TNFRSF10B: variants seen among roughly 807,000 people sequenced by gnomAD.
TNFRSF10B encodes the protein TNF receptor superfamily member 10b.
TNFRSF10B carries 35 observed loss-of-function variants against 41.4 expected under a neutral mutation model. That is an observed-to-expected ratio of 0.85 (90% CI 0.65 to 1.12). The LOEUF is 1.12. Among genes scored for constraint, TNFRSF10B ranks in the 50% most tolerant of loss-of-function variants. TNFRSF10B has a pLI of 0.00. For missense variants in TNFRSF10B, 584 were observed against 552.7 expected, an observed-to-expected ratio of 1.06 and a Z score of -0.57; for synonymous variants, 230 against 215.5, an observed-to-expected ratio of 1.07 and a Z score of -0.59.
rs1811858498 is a variant in TNFRSF10B, at chr8:23,030,773, G to A, written c.350C>T (p.Thr117Ile). Residue 117 changes from threonine to isoleucine, a missense_variant, in exon 3 of 9, where the codon ACC becomes ATC. By Grantham distance (89) the Thr-to-Ile change is moderately conservative (BLOSUM62 -1). Coordinates refer to ENST00000276431, the MANE Select transcript of TNFRSF10B (RefSeq NM_003842.5). ...ATGTTCTGTACCTGAATCACACCTG[G>A]TGCAGCGCAAGCAGAAAAGGAGGTC... ...WNDLLFCLRC[T>I]RCDSGEVELS... 6.2e-7 allele frequency: 1 copy of A among 1,612,530 alleles called. No individual in the cohort carries two copies.
At chr8:23,029,791 C>G in intron 3 of TNFRSF10B, 70 bp from the exon 4 acceptor site, 2 of 1,445,976 alleles carry the variant, frequency 1.4e-6, no homozygotes, top group South Asian at 1.2e-5. Flanking sequence ...CTCCCCACCC[C>G]AAGACCCTGC....
chr8:23,027,361 G>A, intron 6 of TNFRSF10B, 73 bp from the exon 7 acceptor site: 2 of 1,572,630 alleles, frequency 1.3e-6, no homozygotes, highest in Admixed American at 3.4e-5. Context: ...AGGGTCCTCA[G>A]TATGCAGCTG....
chr8:23,068,594 T>A (rs1011114750), intron 1 of TNFRSF10B, among the ~76,000 whole-genome samples, 157 bp downstream of exon 1: 2 of 151,848 alleles, frequency 1.3e-5, no homozygotes, highest in East Asian at 3.9e-4. Flanking sequence ...CGGGGACCCA[T>A]CTCTTCCCCC....
chr8:23,020,890 G>C lies in TNFRSF10B; in HGVS notation c.*1781C>G. ...AGGCAGCAGCACCCTGTGCCTTCCAGAAGTGCAGGGGACAACGCGTGGGAT... is the reference window on the plus strand; with the variant it reads ...AGGCAGCAGCACCCTGTGCCTTCCACAAGTGCAGGGGACAACGCGTGGGAT... On this transcript the variant is annotated 3_prime_UTR_variant, in exon 9 of 9. Transcript: ENST00000276431. The C allele has an allele frequency of 2.2e-6, 1 of 454,100 alleles. No homozygotes were observed. The highest frequency in any genetic ancestry group is 4.4e-6 in the Non-Finnish European group (1 of 226,774). 28.1% of individuals were successfully genotyped at this position (454,100 alleles called of 1,614,324 possible).
intron 7 of TNFRSF10B, among the ~76,000 whole-genome samples, chr8:23,026,552 T>G (rs1585206007): frequency 6.6e-6 from 1 of 152,356 alleles, no homozygotes; most frequent in East Asian, 1.9e-4. Context: ...TAGTCTCATC[T>G]TATGTTCGAG....
Position 23,059,173 on chromosome 8 carries a change from T to C in TNFRSF10B, c.144+9578A>G, listed in dbSNP as rs2128820418. Among the ~76,000 whole-genome samples, 4 of 152,374 alleles carry C rather than the reference T, an allele frequency of 2.6e-5. No individual in the cohort carries two copies. The South Asian group carries it at 8.3e-4, about 32-fold the overall frequency. On this transcript the variant is annotated intron_variant, in intron 1 of 8. Coordinates refer to ENST00000276431, the MANE Select transcript of TNFRSF10B (RefSeq NM_003842.5). ...TCATCCATTGTGTAGCATGTGCCAGTATTTCCTTCCTTTTCAAGGCTGAGT... is the reference window on the plus strand; with the variant it reads ...TCATCCATTGTGTAGCATGTGCCAGCATTTCCTTCCTTTTCAAGGCTGAGT...
chr8:23,030,665 C>T, intron 3 of TNFRSF10B, 94 bp downstream of exon 3: 2 of 924,640 alleles, frequency 2.2e-6, no homozygotes, highest in Non-Finnish European at 3.5e-6. Flanking sequence ...CCAAGGTGGA[C>T]CAGAATCTAG....
intron 5 of TNFRSF10B, 43 bp downstream of exon 5, chr8:23,028,288 G>T: frequency 6.2e-7 from 1 of 1,612,290 alleles, no homozygotes; most frequent in South Asian, 1.1e-5. Flanking sequence ...GGAGGGGGCA[G>T]GGCAGAGAGT....
intron 1 of TNFRSF10B, among the ~76,000 whole-genome samples, chr8:23,067,226 C>T (rs1477673595): frequency 2.0e-5 from 3 of 152,030 alleles, no homozygotes; most frequent in African/African-American, 7.2e-5. Context: ...GATCTGCCCG[C>T]CTCGGCCTCC....
Position 23,039,845 on chromosome 8 carries a change from C to T in TNFRSF10B, c.250+3293G>A, listed in dbSNP as rs185376440. On this transcript the variant is annotated intron_variant, in intron 2 of 8. Transcript: ENST00000276431. ...ATGAAATTCTGCCGGTATTATAAAA[C>T]TACCTGTTTAGATACTTAAGAAGGT... Among the ~76,000 whole-genome samples the T allele has an allele frequency of 3.7e-4, 56 of 152,220 alleles. No homozygotes were observed. In the East Asian group the frequency reaches 9.6e-3, roughly 26 times the overall value.
At chr8:23,023,622 C>T (rs1253374093) in intron 8 of TNFRSF10B, among the ~76,000 whole-genome samples, 1 of 152,134 alleles carries the variant, frequency 6.6e-6, no homozygotes, top group Non-Finnish European at 1.5e-5. Context: ...GTCAGGAACA[C>T]GAGGCTATGT....
chr8:23,059,419 C>T (rs564477474), intron 1 of TNFRSF10B, among the ~76,000 whole-genome samples: 2 of 152,344 alleles, frequency 1.3e-5, no homozygotes, highest in East Asian at 3.9e-4. Context: ...TACTGTTTTC[C>T]ATAGTGGCTG....
rs1471374800 is a variant in TNFRSF10B at position 23,021,433 on chromosome 8, C to T, written c.*1238G>A. ...GCAACCATTTCACACCATTCTCAAG[C>T]ACCATCTACTCTTCCCCCTTGATGC... On this transcript the variant is annotated 3_prime_UTR_variant, in exon 9 of 9. Coordinates refer to ENST00000276431, the MANE Select transcript of TNFRSF10B (RefSeq NM_003842.5). 1 of 454,162 alleles carries T rather than the reference C, an allele frequency of 2.2e-6. No homozygotes were observed. The highest frequency in any genetic ancestry group is 2.3e-5 in the Admixed American group (1 of 42,576). 28.1% of individuals were successfully genotyped at this position (454,162 alleles called of 1,614,324 possible). A position where few individuals can be genotyped will look rare whatever the true frequency, so the allele number is the denominator to read the frequency against.
At chr8:23,067,954 C>T (rs1414791726) in intron 1 of TNFRSF10B, among the ~76,000 whole-genome samples, 1 of 152,196 alleles carries the variant, frequency 6.6e-6, no homozygotes, top group African/African-American at 2.4e-5. Context: ...CTGAGCACAC[C>T]ATGCTGTTCC....
rs1157142892 is a variant in TNFRSF10B, at chr8:23,020,944, T to G, written c.*1727A>C. 2.2e-6 allele frequency: 1 copy of G among 453,984 alleles called. No individual in the cohort carries two copies. Among genetic ancestry groups the G allele is most frequent in the East Asian group, 7.0e-5 (1 of 14,378 alleles). The allele number at this position is 453,984 out of a possible 1,614,324, so 28.1% of individuals were successfully genotyped here. On this transcript the variant is annotated 3_prime_UTR_variant, in exon 9 of 9. Coordinates refer to ENST00000276431, the MANE Select transcript of TNFRSF10B (RefSeq NM_003842.5). ...AGATGGAAGTGGGAGAGGATGGAAG[T>G]GCAAAGACCAGAAAGGTCACCCCCC...
In TNFRSF10B at chr8:23,027,149, T is replaced by TCCC. The variant is rs779617614; in HGVS notation, c.917_919dup (p.Gly306dup). 1.3e-5 allele frequency: 21 copies of TCCC among 1,613,918 alleles called. No homozygotes were observed. Among genetic ancestry groups the TCCC allele is most frequent in the Non-Finnish European group, 1.7e-5 (20 of 1,180,008 alleles). On this transcript the variant is annotated inframe_insertion, in exon 7 of 9. Transcript: ENST00000276431. ...CCCACTCACCAGCAGATGCTCTGAC[T>TCCC]CCCCGGGGGACAACATGTTGACACC...
intron 1 of TNFRSF10B, among the ~76,000 whole-genome samples, chr8:23,043,757 G>A (rs940618704): frequency 2.6e-5 from 4 of 152,158 alleles, no homozygotes; most frequent in Admixed American, 6.5e-5. Context: ...ATAGACCAGA[G>A]AGCCCAGAAA....
chr8:23,026,011 G>A (rs141278808), intron 7 of TNFRSF10B, among the ~76,000 whole-genome samples: 8 of 152,156 alleles, frequency 5.3e-5, no homozygotes, highest in African/African-American at 1.9e-4. Flanking sequence ...AGGAGGCAGG[G>A]GTTGCAATGA....
rs978451470 is a variant in TNFRSF10B, at chr8:23,028,362, T to G, written c.717A>C (p.Lys239Asn). The G allele has an allele frequency of 6.2e-7, 1 of 1,614,158 alleles. No homozygotes were observed. Among genetic ancestry groups the G allele is most frequent in the Non-Finnish European group, 8.5e-7 (1 of 1,180,020 alleles). Residue 239 changes from lysine (K) to asparagine (N), a missense_variant, in exon 5 of 9, where the codon AAA becomes AAC. Lys to Asn is a moderately conservative substitution (Grantham distance 94). Transcript: ENST00000276431. ...VFVCKSLLWK[K>N]VLPYLKGICS... is the part of the protein sequence containing the mutation. The stretch of plus-strand genomic sequence containing the variant: ...AGATGCCTTTCAGGTAAGGAAGGAC[T>G]TTCTTCCACAGTAAAGACTTGCAAA...
Sources: gnomAD v4.1 joint callset for allele counts (sites outside exome capture counted in the v4.1 genomes callset) on GRCh38, gnomAD v4.1.1 for gene constraint, MANE v1.5 for transcripts, NCBI Gene and HGNC (gene_info 2026-07-23, HGNC 2026-07-21) for gene names.